YIPF1: variants seen among roughly 807,000 people sequenced by gnomAD.
The protein encoded by YIPF1 is Yip1 domain family member 1, also known as protein YIPF1.
YIPF1 carries 22 observed loss-of-function variants against 37.0 expected under a neutral mutation model. That is an observed-to-expected ratio of 0.59 (90% confidence interval 0.42 to 0.85). The LOEUF (loss-of-function observed/expected upper bound fraction) is 0.85, where lower values mean the gene tolerates loss of function less well. Among genes scored for constraint, YIPF1 ranks in the 40% least tolerant of loss-of-function variants. YIPF1 has a pLI of 0.00. For synonymous variants in YIPF1, 128 were observed against 131.9 expected (o/e 0.97, Z 0.21); for missense variants, 355 against 373.1 (o/e 0.95, Z 0.40).
rs74084435 is a variant in YIPF1, at chr1:53,856,759, A to T, written c.*8+3297T>A. Among the ~76,000 whole-genome samples the T allele has an allele frequency of 1.0e-3, 153 of 152,332 alleles. 1 individual carries two copies. The highest frequency in any genetic ancestry group is 3.6e-3 in the African/African-American group (148 of 41,582). On this transcript the variant is annotated intron_variant, in intron 10 of 10. Transcript: ENST00000072644. ...AATAGTTCCTATATGGATTGACAAC[A>T]GTATATGCAAATACTTCAAATATAT...
Position 53,878,122 on chromosome 1 carries a change from G to C in YIPF1, c.364+193C>G, listed in dbSNP as rs148252940. On this transcript the variant is annotated intron_variant, in intron 6 of 10. Coordinates refer to ENST00000072644, the MANE Select transcript of YIPF1 (RefSeq NM_018982.5). Reference sequence around the variant, plus strand: ...TGAAGGATATACTAGTACTTGTAATGATGACGTGGCACTAATATAACACAT... The same window carrying C: ...TGAAGGATATACTAGTACTTGTAATCATGACGTGGCACTAATATAACACAT... Among the ~76,000 whole-genome samples, 4 of 152,320 alleles carry C rather than the reference G, an allele frequency of 2.6e-5. No homozygotes were observed. In the East Asian group the frequency reaches 7.7e-4, roughly 29 times the overall value.
intron 7 of YIPF1, among the ~76,000 whole-genome samples, chr1:53,870,499 C>T (rs1168354835): frequency 6.6e-6 from 1 of 152,052 alleles, no homozygotes; most frequent in East Asian, 1.9e-4. Context: ...AGCAAAGTTG[C>T]TAACAGAATA....
At chr1:53,870,172 T>C (rs1272348055) in intron 7 of YIPF1, among the ~76,000 whole-genome samples, 3 of 123,878 alleles carry the variant, frequency 2.4e-5, no homozygotes, top group African/African-American at 9.5e-5. Flanking sequence ...TTTTTTTTTT[T>C]TTTTTTTTTT....
At chr1:53,887,328 C>T in intron 3 of YIPF1, among the ~76,000 whole-genome samples, 1 of 151,908 alleles carries the variant, frequency 6.6e-6, no homozygotes, top group Non-Finnish European at 1.5e-5. Context: ...GATCTGCCCT[C>T]CTCGGCCTCC....
rs3058236 is a variant in YIPF1, at chr1:53,884,234, CAA to C, written c.32-960_32-959del. Among the ~76,000 whole-genome samples the C allele has an allele frequency of 9.3e-3, 1,062 of 114,204 alleles. 14 individuals carry two copies. The highest frequency in any genetic ancestry group is 0.034 in the African/African-American group (1,021 of 30,178). 74.9% of individuals were successfully genotyped at this position (114,204 alleles called of 152,430 possible). A position where few individuals can be genotyped will look rare whatever the true frequency, so the allele number is the denominator to read the frequency against. On this transcript the variant is annotated intron_variant, in intron 3 of 10. Coordinates refer to ENST00000072644, the MANE Select transcript of YIPF1 (RefSeq NM_018982.5). ...TGGGCAAGAGAGTAAGACTTTGTCTCAAAAAAAAAAAAAAAAACCCAAAAAAC... is the reference window on the plus strand; with the variant it reads ...TGGGCAAGAGAGTAAGACTTTGTCTCAAAAAAAAAAAAAAACCCAAAAAAC...
At chr1:53,888,669 G>A (rs1018388394) in intron 3 of YIPF1, among the ~76,000 whole-genome samples, 1 of 152,120 alleles carries the variant, frequency 6.6e-6, no homozygotes, top group Non-Finnish European at 1.5e-5. Flanking sequence ...AGCATTTTCT[G>A]TAATCACTGT....
rs146827076 is a variant in YIPF1, at chr1:53,865,475, T to G, written c.831+725A>C. ...CATAGCATTTACATTGCACTAGGTA[T>G]TATGAGTAATCTGGAAATGATGTAA... On this transcript the variant is annotated intron_variant, in intron 9 of 10. Coordinates refer to ENST00000072644, the MANE Select transcript of YIPF1 (RefSeq NM_018982.5). 8.7e-3 allele frequency among the ~76,000 whole-genome samples: 1,320 copies of G among 152,304 alleles called. 24 individuals are homozygous for G. The highest frequency in any genetic ancestry group is 0.03 in the African/African-American group (1,251 of 41,562).
At position 53,854,509 on chromosome 1, in the gene YIPF1, G is replaced by C. The variant is rs757475937; in HGVS notation, c.*9-2239C>G. 4.8e-4 allele frequency among the ~76,000 whole-genome samples: 73 copies of C among 152,088 alleles called. 1 individual carries two copies. Among genetic ancestry groups the C allele is most frequent in the Non-Finnish European group, 9.4e-4 (64 of 68,030 alleles). ...CCCCATCTTGGGTGGCTGCACTATC[G>C]CATGGGCATTCTCTGTCCCTTTCCT... On this transcript the variant is annotated intron_variant, in intron 10 of 10. Coordinates refer to ENST00000072644, the MANE Select transcript of YIPF1 (RefSeq NM_018982.5).
At chr1:53,867,474 G>A (rs979116521) in intron 7 of YIPF1, among the ~76,000 whole-genome samples, 5 of 147,306 alleles carry the variant, frequency 3.4e-5, no homozygotes, top group East Asian at 2.1e-4. Flanking sequence ...CCGGGTTCAC[G>A]CCATTCTCCT....
chr1:53,881,594 CA>C (rs1246278374), intron 4 of YIPF1, among the ~76,000 whole-genome samples: 2 of 151,748 alleles, frequency 1.3e-5, no homozygotes, highest in Non-Finnish European at 2.9e-5. Context: ...TACATGTGGC[CA>C]AAAAACATAT....
At chr1:53,881,926 A>G (rs1230882249) in intron 4 of YIPF1, among the ~76,000 whole-genome samples, 1 of 152,242 alleles carries the variant, frequency 6.6e-6, no homozygotes, top group Non-Finnish European at 1.5e-5. Flanking sequence ...TCACTGCAGC[A>G]CTATTCACAA....
At chr1:53,875,232 T>C (rs1018408304) in intron 6 of YIPF1, among the ~76,000 whole-genome samples, 2 of 152,170 alleles carry the variant, frequency 1.3e-5, no homozygotes, top group African/African-American at 4.8e-5. Context: ...ATGTCACTCC[T>C]GGCTTGGGGC....
intron 3 of YIPF1, 68 bp downstream of exon 3, chr1:53,888,839 T>A (rs1443420594): frequency 1.4e-6 from 2 of 1,427,484 alleles, no homozygotes; most frequent in South Asian, 1.4e-5. Context: ...AGTATAGGAA[T>A]GAAAATACTT....
chr1:53,861,516 A>C (rs1649873601), intron 9 of YIPF1, among the ~76,000 whole-genome samples: 1 of 152,086 alleles, frequency 6.6e-6, no homozygotes, highest in Non-Finnish European at 1.5e-5. Flanking sequence ...TTTCTGATCT[A>C]TAAAATTAAA....
intron 3 of YIPF1, among the ~76,000 whole-genome samples, chr1:53,883,518 T>C (rs894520302): frequency 2.0e-5 from 3 of 152,204 alleles, no homozygotes; most frequent in African/African-American, 7.2e-5. Flanking sequence ...AGCTAGCCAC[T>C]TACTAAATAC....
At chr1:53,865,009 A>G (rs543788942) in intron 9 of YIPF1, among the ~76,000 whole-genome samples, 1 of 152,342 alleles carries the variant, frequency 6.6e-6, no homozygotes, top group South Asian at 2.1e-4. Context: ...CCGGTCTTCA[A>G]TCTGGGCTTA....
rs1388839847 is a variant in YIPF1, at chr1:53,872,233, T to C, written c.365-745A>G. On this transcript the variant is annotated intron_variant, in intron 6 of 10. Transcript: ENST00000072644. ...GCCCCGGCTCTCTATCTTTCCTCCC[T>C]AAAGCTCACCAAAGTAAGCAGTTTC... is the stretch of plus-strand genomic sequence containing the variant. 2.0e-5 allele frequency among the ~76,000 whole-genome samples: 3 copies of C among 152,284 alleles called. No homozygotes were observed. In the East Asian group the frequency reaches 5.8e-4, roughly 29 times the overall value.
chr1:53,860,756 C>T (rs1043501604), intron 9 of YIPF1, among the ~76,000 whole-genome samples: 5 of 152,200 alleles, frequency 3.3e-5, no homozygotes, highest in African/African-American at 4.8e-5. Flanking sequence ...AATTCTTCAG[C>T]TGGGAAATGA....
intron 10 of YIPF1, among the ~76,000 whole-genome samples, chr1:53,858,782 A>T (rs1385514042): frequency 6.6e-6 from 1 of 152,146 alleles, no homozygotes; most frequent in African/African-American, 2.4e-5. Flanking sequence ...CTACAGGAGC[A>T]TGCCACCATG....
Sources: allele counts gnomAD v4.1 joint callset (sites outside exome capture counted in the v4.1 genomes callset), GRCh38; gene constraint gnomAD v4.1.1; transcripts MANE v1.5; gene names NCBI Gene and HGNC (gene_info 2026-07-23, HGNC 2026-07-21).